The following CBFA2T2 variants were observed in gnomAD, a reference collection of about 807,000 sequenced individuals.
CBFA2T2 encodes the protein protein CBFA2T2.
Under a neutral mutation model 62.2 loss-of-function variants are expected in CBFA2T2, and 11 were observed. The ratio of observed to expected loss-of-function variants is 0.18; its 90% CI spans 0.11 to 0.29. CBFA2T2 has a LOEUF of 0.29. CBFA2T2 is among the 10% of genes least tolerant of loss of function. CBFA2T2 has a pLI of 1.00. For missense variants in CBFA2T2, 592 were observed against 774.1 expected (o/e 0.76, Z 2.79); for synonymous variants, 295 against 287.5 (o/e 1.03, Z -0.27).
At chr20:33,637,729 GTGA>G (rs1227385383) in intron 9 of CBFA2T2, among the ~76,000 whole-genome samples, 1 of 150,708 alleles carries the variant, frequency 6.6e-6, no homozygotes, top group Non-Finnish European at 1.5e-5. Flanking sequence ...GTGCAACGGT[GTGA>G]TCTCGGCTCA....
chr20:33,583,926 A>ATTTG (rs1346303496), intron 1 of CBFA2T2, among the ~76,000 whole-genome samples: 77 of 151,324 alleles, frequency 5.1e-4, no homozygotes, highest in African/African-American at 1.6e-3. Context: ...TTATTTATTT[A>ATTTG]TTTATTTGTT....
intron 6 of CBFA2T2, among the ~76,000 whole-genome samples, chr20:33,627,431 A>G (rs1406684431): frequency 6.6e-6 from 1 of 152,064 alleles, no homozygotes; most frequent in Non-Finnish European, 1.5e-5. Context: ...TTGATTGGAA[A>G]TAGCACAGTG....
intron 3 of CBFA2T2, among the ~76,000 whole-genome samples, chr20:33,614,799 A>G (rs1416333017): frequency 6.6e-6 from 1 of 152,100 alleles, no homozygotes; most frequent in Admixed American, 6.6e-5. Flanking sequence ...TGATCTGTTA[A>G]TTCCCCAATG....
intron 1 of CBFA2T2, among the ~76,000 whole-genome samples, chr20:33,494,243 G>GTGTATATATATATATATATATATA (rs1491431819): frequency 6.6e-5 from 2 of 30,322 alleles, no homozygotes; most frequent in Admixed American, 1.5e-3. Flanking sequence ...ATATATATGT[G>GTGTATATATATATATATATATATA]TATATATATA....
intron 10 of CBFA2T2, among the ~76,000 whole-genome samples, chr20:33,642,110 TTTTTTTTGTGTG>T (rs754340479): frequency 0.017 from 1,307 of 77,048 alleles, 16 homozygotes; most frequent in East Asian, 0.037. Context: ...TTTGTCTTTT[TTTTTTTTGTGTG>T]TGTGTGTGTG....
chr20:33,613,241 A>C (rs186819675), intron 3 of CBFA2T2, among the ~76,000 whole-genome samples: 59 of 152,346 alleles, frequency 3.9e-4, no homozygotes, highest in African/African-American at 1.4e-3. Flanking sequence ...AATATACCAC[A>C]ATTTATACCT....
At chr20:33,505,980 T>C (rs1049755595) in intron 1 of CBFA2T2, among the ~76,000 whole-genome samples, 1 of 149,740 alleles carries the variant, frequency 6.7e-6, no homozygotes, top group Non-Finnish European at 1.5e-5. Context: ...ATCCTAGCTA[T>C]TAGGGAGGCT....
intron 1 of CBFA2T2, among the ~76,000 whole-genome samples, chr20:33,532,630 C>T (rs752285464): frequency 5.9e-5 from 9 of 152,196 alleles, no homozygotes; most frequent in African/African-American, 2.2e-4. Context: ...ATCCTTTTAA[C>T]ATTTCAGAGC....
intron 1 of CBFA2T2, among the ~76,000 whole-genome samples, chr20:33,581,581 C>G (rs1215227467): frequency 6.6e-6 from 1 of 152,080 alleles, no homozygotes. Context: ...TGTTTTAAAA[C>G]TCACATTTGG....
At chr20:33,530,771 G>A (rs2012036415) in intron 1 of CBFA2T2, among the ~76,000 whole-genome samples, 5 of 151,966 alleles carry the variant, frequency 3.3e-5, no homozygotes, top group African/African-American at 9.7e-5. Context: ...AACAAAGTGC[G>A]GTGCGTGTTC....
At position 33,630,266 on chromosome 20, in the gene CBFA2T2, A is replaced by T. The variant is rs573350663; in HGVS notation, c.1228+352A>T. The stretch of plus-strand genomic sequence containing the variant: ...CCCAGCCTCGTACTTGGCGTGTTCA[A>T]AAAATGTTAATTCTTCGTGGAGAAT... On this transcript the variant is annotated intron_variant, in intron 8 of 10. Transcript: ENST00000342704. Among the ~76,000 whole-genome samples the T allele has an allele frequency of 2.9e-4, 44 of 152,234 alleles. No homozygotes were observed. In the South Asian group the frequency reaches 6.2e-3, roughly 22 times the overall value.
intron 1 of CBFA2T2, among the ~76,000 whole-genome samples, chr20:33,597,360 A>T (rs962239536): frequency 6.6e-6 from 1 of 152,162 alleles, no homozygotes; most frequent in African/African-American, 2.4e-5. Flanking sequence ...ATTTAGGAAA[A>T]GTTACTCAAA....
intron 1 of CBFA2T2, among the ~76,000 whole-genome samples, chr20:33,564,772 G>A (rs1423557659): frequency 6.6e-6 from 1 of 151,416 alleles, no homozygotes; most frequent in Non-Finnish European, 1.5e-5. Flanking sequence ...TACAGGTGGG[G>A]TTTTGCCATG....
intron 1 of CBFA2T2, among the ~76,000 whole-genome samples, chr20:33,494,264 TATATA>T (rs1178625827): frequency 3.7e-4 from 28 of 75,564 alleles, no homozygotes; most frequent in African/African-American, 1.3e-3. Context: ...TATATATATA[TATATA>T]TATATTTTTT....
chr20:33,506,306 A>C (rs1178748309), intron 1 of CBFA2T2, among the ~76,000 whole-genome samples: 1 of 152,142 alleles, frequency 6.6e-6, no homozygotes, highest in Admixed American at 6.6e-5. Flanking sequence ...AATTTAATAC[A>C]AGAGCTGAAT....
At chr20:33,602,904 A>G (rs1411486298) in intron 1 of CBFA2T2, among the ~76,000 whole-genome samples, 1 of 152,192 alleles carries the variant, frequency 6.6e-6, no homozygotes, top group Non-Finnish European at 1.5e-5. Flanking sequence ...CTGCAAAACC[A>G]TGACAGTTCA....
chr20:33,607,723 A>G (rs1157586343), intron 2 of CBFA2T2, among the ~76,000 whole-genome samples: 1 of 152,146 alleles, frequency 6.6e-6, no homozygotes, highest in East Asian at 1.9e-4. Flanking sequence ...GATAATAATC[A>G]TATTGGATTA....
chr20:33,501,754 T>C (rs1004526134), intron 1 of CBFA2T2, among the ~76,000 whole-genome samples: 3 of 145,838 alleles, frequency 2.1e-5, no homozygotes, highest in Non-Finnish European at 4.5e-5. Context: ...ATTCTCCTGC[T>C]GCAGCCTCCT....
chr20:33,531,580 C>T (rs2146870101), intron 1 of CBFA2T2, among the ~76,000 whole-genome samples: 1 of 152,340 alleles, frequency 6.6e-6, no homozygotes, highest in East Asian at 1.9e-4. Flanking sequence ...GACCTGATCT[C>T]TTCCTGTGCT....
Sources: allele counts gnomAD v4.1 joint callset (sites outside exome capture counted in the v4.1 genomes callset), GRCh38; gene constraint gnomAD v4.1.1; transcripts MANE v1.5; gene names NCBI Gene and HGNC (gene_info 2026-07-23, HGNC 2026-07-21).